Variants in MARCHF3 observed in about 807,000 individuals in gnomAD.
MARCHF3 encodes membrane associated ring-CH-type finger 3.
A neutral mutation model predicts 24.2 loss-of-function variants in MARCHF3; 13 were observed. That is an observed-to-expected ratio of 0.54 (90% confidence interval 0.35 to 0.85). The LOEUF (loss-of-function observed/expected upper bound fraction) is 0.85. Among genes scored for constraint, MARCHF3 ranks in the 40% least tolerant of loss-of-function variants. The pLI is 0.01. For synonymous variants in MARCHF3, 144 were observed against 137.3 expected (o/e 1.05, Z -0.34); for missense variants, 276 against 325.0 (o/e 0.85, Z 1.16).
At chr5:126,991,513 G>A (rs1751760958) in intron 1 of MARCHF3, among the ~76,000 whole-genome samples, 1 of 152,054 alleles carries the variant, frequency 6.6e-6, no homozygotes, top group African/African-American at 2.4e-5. Flanking sequence ...AAACCTGCAC[G>A]TTGTGCACAT....
At chr5:126,992,825 G>A (rs147991074) in intron 1 of MARCHF3, among the ~76,000 whole-genome samples, 136 of 137,520 alleles carry the variant, frequency 9.9e-4, no homozygotes, top group African/African-American at 3.5e-3. Flanking sequence ...AGGCTGGAGT[G>A]CAGTGGCGCG....
intron 1 of MARCHF3, among the ~76,000 whole-genome samples, chr5:126,952,742 G>T (rs1750296426): frequency 6.6e-6 from 1 of 151,968 alleles, no homozygotes; most frequent in Non-Finnish European, 1.5e-5. Context: ...AATTACTTCA[G>T]TTGGGGAAAC....
chr5:126,911,567 A>G (rs1754533729), intron 3 of MARCHF3, among the ~76,000 whole-genome samples: 3 of 152,222 alleles, frequency 2.0e-5, no homozygotes, highest in African/African-American at 7.2e-5. Context: ...CATTAGTTGG[A>G]CTTCATCAGA....
At chr5:127,029,850 C>T (rs1753119053) in intron 1 of MARCHF3, 1 of 152,304 alleles carries the variant, frequency 6.6e-6, no homozygotes, top group South Asian at 2.1e-4. Flanking sequence ...CAATTCCTCT[C>T]AGTAGCTGCA....
rs763507234 is a variant in MARCHF3 at position 126,918,058 on chromosome 5, C to T, written c.114G>A (p.Pro38=). ...TGGCTGAAACTTGCATGACATACTG[C>T]GGCTGCCCATTCACTAGGCTGCCAC... The part of the protein sequence containing the change: ...EDCGSLVNGQ[P]QYVMQVSAKD... Residue 38 remains proline (P), a synonymous_variant, in exon 2 of 5, where the codon CCG becomes CCA. Coordinates refer to ENST00000308660, the MANE Select transcript of MARCHF3 (RefSeq NM_178450.5). 16 of 1,614,038 alleles carry T rather than the reference C, an allele frequency of 9.9e-6. No individual in the cohort carries two copies. In the East Asian group the frequency reaches 1.6e-4, roughly 16 times the overall value.
intron 1 of MARCHF3, among the ~76,000 whole-genome samples, chr5:126,955,029 CCATA>C (rs1340187437): frequency 4.6e-5 from 7 of 152,184 alleles, no homozygotes; most frequent in Non-Finnish European, 8.8e-5. Flanking sequence ...ACCATAACAT[CCATA>C]CTCTAAAGTC....
intron 1 of MARCHF3, among the ~76,000 whole-genome samples, chr5:126,984,570 G>A (rs1191505311): frequency 2.0e-5 from 3 of 152,220 alleles, no homozygotes; most frequent in African/African-American, 7.2e-5. Context: ...CTGAGAGCCA[G>A]CCACTCTCTT....
intron 1 of MARCHF3, among the ~76,000 whole-genome samples, chr5:126,949,952 T>C (rs955634205): frequency 6.6e-6 from 1 of 152,208 alleles, no homozygotes; most frequent in Non-Finnish European, 1.5e-5. Context: ...AACCATATAA[T>C]GGTATACTAC....
At position 126,987,669 on chromosome 5, in the gene MARCHF3, A is replaced by T. The variant is rs546909027; in HGVS notation, c.-57+42681T>A. The stretch of plus-strand genomic sequence containing the variant: ...AGAATATATTGGAGAAAACTTCAGG[A>T]AAGTCAGAGGGTGGGAGTGAGCTGT... On this transcript the variant is annotated intron_variant, in intron 1 of 4. Coordinates refer to ENST00000308660, the MANE Select transcript of MARCHF3 (RefSeq NM_178450.5). Among the ~76,000 whole-genome samples the T allele has an allele frequency of 2.6e-5, 4 of 152,348 alleles. No homozygotes were observed. In the East Asian group the frequency reaches 7.7e-4, roughly 29 times the overall value.
chr5:126,971,395 G>GCCC, intron 1 of MARCHF3, among the ~76,000 whole-genome samples: 1 of 147,596 alleles, frequency 6.8e-6, no homozygotes, highest in Middle Eastern at 3.5e-3. Context: ...GTTGCAGTGA[G>GCCC]CCGAGGTCGC....
At chr5:126,884,805 T>C (rs1337939633) in intron 3 of MARCHF3, among the ~76,000 whole-genome samples, 1 of 152,204 alleles carries the variant, frequency 6.6e-6, no homozygotes, top group Non-Finnish European at 1.5e-5. Context: ...GCCTCCCTGC[T>C]TCCACTCTGG....
intron 1 of MARCHF3, among the ~76,000 whole-genome samples, chr5:126,939,913 C>A (rs1385875780): frequency 6.6e-6 from 1 of 152,076 alleles, no homozygotes; most frequent in Non-Finnish European, 1.5e-5. Context: ...CGTGCATGAA[C>A]GAAGCTTACC....
chr5:126,952,077 C>T (rs1180629512), intron 1 of MARCHF3, among the ~76,000 whole-genome samples: 2 of 152,142 alleles, frequency 1.3e-5, no homozygotes, highest in African/African-American at 2.4e-5. Context: ...GAACTCCTGA[C>T]CACAGGTGAT....
intron 1 of MARCHF3, among the ~76,000 whole-genome samples, chr5:126,973,879 ATTTTTTTTTTTTTTTTT>A (rs10585434): frequency 6.0e-5 from 5 of 82,942 alleles, no homozygotes; most frequent in Non-Finnish European, 1.1e-4. Flanking sequence ...AGCAAAATCT[ATTTTTTTTTTTTTTTTT>A]TTTTTTTTTT....
chr5:126,919,368 G>A (rs556526684), intron 1 of MARCHF3, among the ~76,000 whole-genome samples: 1 of 152,292 alleles, frequency 6.6e-6, no homozygotes, highest in African/African-American at 2.4e-5. Flanking sequence ...AGCTCGACAT[G>A]GCCTGGGCTC....
intron 1 of MARCHF3, among the ~76,000 whole-genome samples, chr5:127,010,464 T>C (rs1200044255): frequency 1.3e-5 from 2 of 152,144 alleles, no homozygotes; most frequent in African/African-American, 2.4e-5. Context: ...CTCACTTTTG[T>C]GAGGGTCGAG....
At position 126,869,116 on chromosome 5, in the gene MARCHF3, G is replaced by T. The variant is rs1752872508; in HGVS notation, c.*1517C>A. On this transcript the variant is annotated 3_prime_UTR_variant, in exon 5 of 5. Coordinates refer to ENST00000308660, the MANE Select transcript of MARCHF3 (RefSeq NM_178450.5). Reference sequence around the variant, plus strand: ...GAATGGAGGGCTCGCCTACAAAGGGGACACCTGCATCAGCTCCATCAATTT... The same window carrying T: ...GAATGGAGGGCTCGCCTACAAAGGGTACACCTGCATCAGCTCCATCAATTT... The T allele has an allele frequency of 1.3e-5, 2 of 152,178 alleles. No individual in the cohort carries two copies. The highest frequency in any genetic ancestry group is 4.1e-4 in the South Asian group (2 of 4,834). The allele number at this position is 152,178 out of a possible 1,614,324, so 9.4% of individuals were successfully genotyped here. A position where few individuals can be genotyped will look rare whatever the true frequency, so the allele number is the denominator to read the frequency against.
At chr5:126,978,161 C>G (rs1474689865) in intron 1 of MARCHF3, among the ~76,000 whole-genome samples, 2 of 152,174 alleles carry the variant, frequency 1.3e-5, no homozygotes, top group Non-Finnish European at 2.9e-5. Context: ...TCTTTTCACT[C>G]TACCCCCAAA....
intron 3 of MARCHF3, chr5:126,899,092 G>T: frequency 1.0e-6 from 1 of 985,256 alleles, no homozygotes; most frequent in Non-Finnish European, 1.2e-6. Context: ...ATGATGGATT[G>T]CAAAGAAACC....
Sources: gnomAD v4.1 joint callset for allele counts (sites outside exome capture counted in the v4.1 genomes callset) on GRCh38, gnomAD v4.1.1 for gene constraint, MANE v1.5 for transcripts, NCBI Gene and HGNC (gene_info 2026-07-23, HGNC 2026-07-21) for gene names.